The following PSMA8 variants were observed in gnomAD, a reference collection of about 807,000 sequenced individuals.
PSMA8 encodes the protein proteasome 20S subunit alpha 8.
Under a neutral mutation model 32.4 loss-of-function variants are expected in PSMA8, and 18 were observed. The observed-to-expected ratio is 0.56, with a 90% CI of 0.38 to 0.82. The LOEUF is 0.82. PSMA8 is among the 40% of genes least tolerant of loss of function. The pLI, the probability that PSMA8 is intolerant of heterozygous loss-of-function variation, is 0.00. For missense variants in PSMA8, 298 were observed against 300.7 expected (o/e 0.99, Z 0.07); for synonymous variants, 104 against 98.1 (o/e 1.06, Z -0.36).
intron 6 of PSMA8, among the ~76,000 whole-genome samples, chr18:26,184,133 C>A (rs998804673): frequency 1.3e-5 from 2 of 150,620 alleles, no homozygotes; most frequent in Admixed American, 1.3e-4. Flanking sequence ...TTATGTGACT[C>A]AATATTTGCC....
rs573341311 is a variant in PSMA8, at chr18:26,134,731, G to A, written c.102+664G>A. Among the ~76,000 whole-genome samples the A allele has an allele frequency of 2.0e-5, 3 of 152,290 alleles. No homozygotes were observed. In the South Asian group the frequency reaches 6.2e-4, roughly 32 times the overall value. On this transcript the variant is annotated intron_variant, in intron 1 of 6. Transcript: ENST00000415576. The stretch of plus-strand genomic sequence containing the variant: ...GCACTTTGGAAGGCCCAGGAGGGCG[G>A]ATCACCTGAGGTCGGGAGTTTGAGA...
At chr18:26,155,212 G>T (rs2055079280) in intron 3 of PSMA8, among the ~76,000 whole-genome samples, 1 of 151,954 alleles carries the variant, frequency 6.6e-6, no homozygotes, top group Non-Finnish European at 1.5e-5. Context: ...TCCAGCCTGG[G>T]CGACAGAGTG....
rs1255123655 is a variant in PSMA8 at position 26,163,245 on chromosome 18, ATATAT to A, written c.477+5002_477+5006del. ...TATATATATATATATATATATATAT[ATATAT>A]ATATATATATATGCTGTGAGTAAAA... On this transcript the variant is annotated intron_variant, in intron 4 of 6. Transcript: ENST00000415576. 6.5e-5 allele frequency among the ~76,000 whole-genome samples: 8 copies of A among 122,448 alleles called. 1 individual carries two copies. The highest frequency in any genetic ancestry group is 2.7e-4 in the African/African-American group (8 of 29,294). 80.3% of individuals were successfully genotyped at this position (122,448 alleles called of 152,430 possible).
At chr18:26,144,942 T>C (rs540928610) in intron 2 of PSMA8, among the ~76,000 whole-genome samples, 11 of 151,694 alleles carry the variant, frequency 7.3e-5, no homozygotes, top group South Asian at 6.2e-4. Context: ...TTTTAAATAA[T>C]TACAGATTTA....
chr18:26,161,465 A>T (rs922348263), intron 4 of PSMA8, among the ~76,000 whole-genome samples: 8 of 152,226 alleles, frequency 5.3e-5, no homozygotes, highest in Non-Finnish European at 1.2e-4. Flanking sequence ...ATTCAAGGTG[A>T]TGAGAGAACA....
At position 26,192,317 on chromosome 18, in the gene PSMA8, A is replaced by T; in HGVS notation, c.661-2A>T. ...GATCTTTAAATTTTTTTCTCTTTTC[A>T]GATGTTTAGTGCAAAAGAAGTTGAA... is the stretch of plus-strand genomic sequence containing the variant. On this transcript the variant is annotated splice_acceptor_variant, in intron 6 of 6. Transcript: ENST00000415576. LOFTEE classifies it high-confidence loss of function. 6.7e-7 allele frequency: 1 copy of T among 1,490,994 alleles called. No homozygotes were observed. The highest frequency in any genetic ancestry group is 8.9e-7 in the Non-Finnish European group (1 of 1,129,524). 92.4% of individuals were successfully genotyped at this position (1,490,994 alleles called of 1,614,324 possible).
chr18:26,180,108 C>A (rs1416579552), intron 6 of PSMA8, among the ~76,000 whole-genome samples: 1 of 151,956 alleles, frequency 6.6e-6, no homozygotes, highest in African/African-American at 2.4e-5. Context: ...AAAAAAATAG[C>A]TGGGCGTGGT....
chr18:26,156,832 G>A (rs913156366), intron 3 of PSMA8, among the ~76,000 whole-genome samples: 10 of 151,050 alleles, frequency 6.6e-5, no homozygotes, highest in Non-Finnish European at 1.5e-4. Flanking sequence ...TGTCACCCAG[G>A]CTGGAGTGCA....
chr18:26,138,492 G>A (rs899831229), intron 1 of PSMA8, among the ~76,000 whole-genome samples: 9 of 152,196 alleles, frequency 5.9e-5, no homozygotes, highest in African/African-American at 2.2e-4. Flanking sequence ...AGATCCTTTT[G>A]TCTCATGTCT....
In PSMA8 at chr18:26,166,525, T is replaced by C. The variant is rs370688135; in HGVS notation, c.477+8281T>C. Among the ~76,000 whole-genome samples, 5 of 152,302 alleles carry C rather than the reference T, an allele frequency of 3.3e-5. No homozygotes were observed. In the East Asian group the frequency reaches 9.6e-4, roughly 29 times the overall value. On this transcript the variant is annotated intron_variant, in intron 4 of 6. Coordinates refer to ENST00000415576, the MANE Select transcript of PSMA8 (RefSeq NM_001025096.2). Reference sequence around the variant, plus strand: ...CATAAAGATTGTTAGTTTTATTAAATCTTGACTCAGGTATACATCTTTTTA... The same window carrying C: ...CATAAAGATTGTTAGTTTTATTAAACCTTGACTCAGGTATACATCTTTTTA...
intron 2 of PSMA8, among the ~76,000 whole-genome samples, chr18:26,146,801 AAAC>A (rs1406845375): frequency 6.6e-6 from 1 of 152,294 alleles, no homozygotes; most frequent in African/African-American, 2.4e-5. Flanking sequence ...AACACCTGAA[AAAC>A]AACAACAACA....
intron 1 of PSMA8, among the ~76,000 whole-genome samples, chr18:26,134,357 G>GTC (rs1568050677): frequency 1.5e-5 from 2 of 134,830 alleles, no homozygotes; most frequent in Non-Finnish European, 3.0e-5. Context: ...GTGTGTGTGT[G>GTC]TGTGTGTCTC....
intron 3 of PSMA8, among the ~76,000 whole-genome samples, chr18:26,157,646 T>G (rs2055100708): frequency 6.6e-6 from 1 of 152,174 alleles, no homozygotes; most frequent in South Asian, 2.1e-4. Flanking sequence ...GGGTTTTTAA[T>G]TAGAGATAAC....
At position 26,162,105 on chromosome 18, in the gene PSMA8, G is replaced by C. The variant is rs190477198; in HGVS notation, c.477+3861G>C. 1.2e-3 allele frequency among the ~76,000 whole-genome samples: 180 copies of C among 152,154 alleles called. 1 individual carries two copies. Among genetic ancestry groups the C allele is most frequent in the African/African-American group, 4.0e-3 (168 of 41,528 alleles). The stretch of plus-strand genomic sequence containing the variant: ...TGCTTCAATGTGTGTGTACATTGTG[G>C]CATGATTTAAATCAAGCTAATTAAT... On this transcript the variant is annotated intron_variant, in intron 4 of 6. Coordinates refer to ENST00000415576, the MANE Select transcript of PSMA8 (RefSeq NM_001025096.2).
At chr18:26,176,825 C>A (rs371556938) in intron 4 of PSMA8, among the ~76,000 whole-genome samples, 1 of 151,872 alleles carries the variant, frequency 6.6e-6, no homozygotes, top group Non-Finnish European at 1.5e-5. Context: ...CCCAGCTACT[C>A]GGGAGGCTGA....
intron 3 of PSMA8, among the ~76,000 whole-genome samples, 166 bp downstream of exon 3, chr18:26,152,148 G>C (rs1450529017): frequency 6.6e-6 from 1 of 151,718 alleles, no homozygotes; most frequent in Non-Finnish European, 1.5e-5. Context: ...CAGTAAAATG[G>C]ATTGATTTAA....
intron 1 of PSMA8, among the ~76,000 whole-genome samples, chr18:26,139,161 G>A (rs1363957248): frequency 3.3e-5 from 5 of 152,152 alleles, no homozygotes; most frequent in African/African-American, 1.2e-4. Flanking sequence ...GCAAAGAAAT[G>A]GTGACTTCAT....
intron 6 of PSMA8, among the ~76,000 whole-genome samples, chr18:26,188,889 A>G (rs930373988): frequency 1.3e-5 from 2 of 152,210 alleles, no homozygotes; most frequent in African/African-American, 4.8e-5. Flanking sequence ...TAAAACTACT[A>G]CAAAAACATT....
In PSMA8 at chr18:26,144,534, T is replaced by C. The variant is rs768095388; in HGVS notation, c.103-25T>C. On this transcript the variant is annotated intron_variant, in intron 1 of 6. Coordinates refer to ENST00000415576, the MANE Select transcript of PSMA8 (RefSeq NM_001025096.2). Reference sequence around the variant, plus strand: ...TATATTTTAAACTGACATCTGAATATATATGTATTTTAATGACTTGACAGG... The same window carrying C: ...TATATTTTAAACTGACATCTGAATACATATGTATTTTAATGACTTGACAGG... 22 of 1,594,374 alleles carry C rather than the reference T, an allele frequency of 1.4e-5. No individual in the cohort carries two copies. The Admixed American group carries it at 3.5e-4, about 25-fold the overall frequency.
Sources: gnomAD v4.1 joint callset for allele counts (sites outside exome capture counted in the v4.1 genomes callset) on GRCh38, gnomAD v4.1.1 for gene constraint, MANE v1.5 for transcripts, NCBI Gene and HGNC (gene_info 2026-07-23, HGNC 2026-07-21) for gene names.